Variants in STEAP1B observed in about 807,000 individuals in gnomAD.
STEAP1B encodes STEAP family protein MGC87042.
In STEAP1B, 13 loss-of-function variants were observed where a neutral mutation model predicts 27.9. The ratio of observed to expected loss-of-function variants is 0.47; its 90% CI spans 0.30 to 0.74. The LOEUF is 0.74. STEAP1B is among the 30% of genes least tolerant of loss of function. The pLI, the probability that STEAP1B is intolerant of heterozygous loss-of-function variation, is 0.06. For missense variants in STEAP1B, 250 were observed against 298.7 expected, an observed-to-expected ratio of 0.84 and a Z score of 1.20; for synonymous variants, 86 against 107.1, an observed-to-expected ratio of 0.80 and a Z score of 1.22.
At chr7:22,486,010 C>T (rs1786202102) in intron 4 of STEAP1B, among the ~76,000 whole-genome samples, 1 of 152,166 alleles carries the variant, frequency 6.6e-6, no homozygotes, top group South Asian at 2.1e-4. Context: ...CATACGTAAG[C>T]CTGCCACACT....
At chr7:22,459,997 G>A (rs1785651161) in intron 4 of STEAP1B, among the ~76,000 whole-genome samples, 1 of 152,048 alleles carries the variant, frequency 6.6e-6, no homozygotes, top group Admixed American at 6.5e-5. Flanking sequence ...ATTAAATGGA[G>A]GAATTTATGA....
At chr7:22,476,189 C>A (rs1253695332) in intron 4 of STEAP1B, among the ~76,000 whole-genome samples, 4 of 152,226 alleles carry the variant, frequency 2.6e-5, no homozygotes, top group Non-Finnish European at 5.9e-5. Flanking sequence ...TGTATTACTT[C>A]TCTTTGCCAT....
intron 4 of STEAP1B, among the ~76,000 whole-genome samples, chr7:22,462,389 AC>A (rs1164940287): frequency 1.5e-4 from 12 of 82,048 alleles, no homozygotes; most frequent in Non-Finnish European, 2.6e-4. Context: ...CCCTCCCCCC[AC>A]CCCACAACAG....
At chr7:22,492,914 T>C (rs1288728137) in intron 3 of STEAP1B, among the ~76,000 whole-genome samples, 185 bp from the exon 4 acceptor site, 3 of 152,222 alleles carry the variant, frequency 2.0e-5, no homozygotes, top group Non-Finnish European at 4.4e-5. Context: ...ATCACTTTTT[T>C]TCTTGAATGC....
chr7:22,432,633 C>T (rs1460495293), intron 4 of STEAP1B, among the ~76,000 whole-genome samples: 1 of 152,118 alleles, frequency 6.6e-6, no homozygotes, highest in Non-Finnish European at 1.5e-5. Flanking sequence ...TTTGTGATAG[C>T]AGCCTGAACA....
At chr7:22,481,495 C>T (rs1373480475) in intron 4 of STEAP1B, among the ~76,000 whole-genome samples, 2 of 152,180 alleles carry the variant, frequency 1.3e-5, no homozygotes, top group African/African-American at 2.4e-5. Flanking sequence ...GTATTGATGC[C>T]TGGCATCACC....
At chr7:22,442,951 C>G (rs1440365780) in intron 4 of STEAP1B, among the ~76,000 whole-genome samples, 3 of 152,152 alleles carry the variant, frequency 2.0e-5, no homozygotes, top group Non-Finnish European at 2.9e-5. Context: ...ACCCCTACCC[C>G]CTTCCCTGGC....
At chr7:22,447,617 T>C (rs906203859) in intron 4 of STEAP1B, among the ~76,000 whole-genome samples, 3 of 152,340 alleles carry the variant, frequency 2.0e-5, no homozygotes, top group African/African-American at 7.2e-5. Context: ...TGGGAACTCA[T>C]CCCTGTGCAA....
At chr7:22,444,576 G>A (rs991675125) in intron 4 of STEAP1B, among the ~76,000 whole-genome samples, 10 of 152,192 alleles carry the variant, frequency 6.6e-5, no homozygotes, top group African/African-American at 2.4e-4. Flanking sequence ...TCGGCTGCCC[G>A]GGAGCCTCTG....
At chr7:22,460,399 T>C (rs1307612395) in intron 4 of STEAP1B, among the ~76,000 whole-genome samples, 1 of 150,968 alleles carries the variant, frequency 6.6e-6, no homozygotes. Context: ...AGGGAGAGCA[T>C]TCAAGGAAGG....
intron 4 of STEAP1B, among the ~76,000 whole-genome samples, chr7:22,460,902 T>C (rs992870974): frequency 6.6e-6 from 1 of 152,222 alleles, no homozygotes; most frequent in Admixed American, 6.5e-5. Flanking sequence ...ACCTTTTCAT[T>C]GTATTACTGA....
intron 4 of STEAP1B, among the ~76,000 whole-genome samples, chr7:22,430,128 A>C (rs944474320): frequency 9.2e-5 from 14 of 152,242 alleles, no homozygotes; most frequent in African/African-American, 3.4e-4. Flanking sequence ...ATATATGTTT[A>C]CGTTATTTTT....
chr7:22,482,048 G>C (rs10227640), intron 4 of STEAP1B, among the ~76,000 whole-genome samples: 50,657 of 152,052 alleles, frequency 0.33, 8,481 homozygotes, highest in East Asian at 0.44. Context: ...TCCCCACAGG[G>C]GCCAGGCAGA....
At chr7:22,454,948 C>T (rs1352880277) in intron 4 of STEAP1B, among the ~76,000 whole-genome samples, 2 of 150,802 alleles carry the variant, frequency 1.3e-5, no homozygotes, top group Non-Finnish European at 2.9e-5. Flanking sequence ...CTGTAACCTC[C>T]GCCTCCCGGG....
At chr7:22,436,415 A>AT (rs1029328409) in intron 4 of STEAP1B, among the ~76,000 whole-genome samples, 2 of 137,850 alleles carry the variant, frequency 1.5e-5, no homozygotes, top group East Asian at 2.1e-4. Flanking sequence ...TCCCTTAGCC[A>AT]TTTTTTTAAA....
intron 4 of STEAP1B, among the ~76,000 whole-genome samples, chr7:22,450,398 T>C (rs1785468914): frequency 6.6e-6 from 1 of 152,220 alleles, no homozygotes; most frequent in Admixed American, 6.5e-5. Flanking sequence ...CATATGGATA[T>C]CCAGTTTTCT....
intron 4 of STEAP1B, among the ~76,000 whole-genome samples, chr7:22,424,103 G>A (rs988656690): frequency 6.6e-6 from 1 of 152,124 alleles, no homozygotes; most frequent in Admixed American, 6.5e-5. Flanking sequence ...TTAAAAATAA[G>A]TACTAATACC....
intron 4 of STEAP1B, 108 bp from the exon 5 acceptor site, chr7:22,419,944 C>G: frequency 7.6e-7 from 1 of 1,317,638 alleles, no homozygotes; most frequent in Non-Finnish European, 1.0e-6. Context: ...CAAGTATACA[C>G]GCTTTTCTAA....
chr7:22,485,108 T>C lies in STEAP1B; in HGVS notation c.762+7457A>G, dbSNP rs1562583688. The stretch of plus-strand genomic sequence containing the variant: ...AAAAGATTTAGAATATCACATAAAC[T>C]TAGCTGATGAAGCAGTAGCAGGATC... On this transcript the variant is annotated intron_variant, in intron 4 of 4. Transcript: ENST00000678116. Among the ~76,000 whole-genome samples, 3 of 152,246 alleles carry C rather than the reference T, an allele frequency of 2.0e-5. No homozygotes were observed. In the South Asian group the frequency reaches 6.2e-4, roughly 32 times the overall value.
Sources: allele counts gnomAD v4.1 joint callset (sites outside exome capture counted in the v4.1 genomes callset), GRCh38; gene constraint gnomAD v4.1.1; transcripts MANE v1.5; gene names NCBI Gene and HGNC (gene_info 2026-07-23, HGNC 2026-07-21).